Variants in SYT14 observed in about 807,000 individuals in gnomAD.
The protein encoded by SYT14 is synaptotagmin-14.
Under a neutral mutation model 74.2 loss-of-function variants are expected in SYT14, and 32 were observed. That is an observed-to-expected ratio of 0.43 (90% CI 0.33 to 0.58). The LOEUF is 0.58. SYT14 is among the 20% of genes least tolerant of loss of function. SYT14 has a pLI of 0.05. For synonymous variants in SYT14, 298 were observed against 337.7 expected (o/e 0.88, Z 1.29); for missense variants, 791 against 981.8 (o/e 0.81, Z 2.60).
intron 2 of SYT14, among the ~76,000 whole-genome samples, chr1:210,001,819 T>C (rs547300702): frequency 1.3e-5 from 2 of 152,122 alleles, no homozygotes; most frequent in African/African-American, 4.8e-5. Flanking sequence ...AGGGGGAACA[T>C]CCAGGGAAAA....
exon 10 of SYT14, chr1:210,166,438 T>C (rs2083456322): frequency 6.6e-6 from 1 of 152,232 alleles, no homozygotes; most frequent in Non-Finnish European, 1.5e-5. Flanking sequence ...CGGTGGTGCA[T>C]GCCTGTGGTC....
exon 10 of SYT14, chr1:210,162,223 A>G (rs1189687242): frequency 2.3e-6 from 1 of 429,242 alleles, no homozygotes; most frequent in Admixed American, 2.5e-5. Flanking sequence ...CTTCAACGTG[A>G]TGTCATCTTG....
intron 5 of SYT14, among the ~76,000 whole-genome samples, chr1:210,093,177 T>TATC (rs2081907602): frequency 1.3e-5 from 2 of 152,160 alleles, no homozygotes; most frequent in African/African-American, 4.8e-5. Flanking sequence ...TTGTGCAAAT[T>TATC]ATCATTTTTC....
chr1:210,051,094 T>C (rs747052590), intron 5 of SYT14, among the ~76,000 whole-genome samples: 16 of 152,228 alleles, frequency 1.1e-4, no homozygotes, highest in Non-Finnish European at 2.2e-4. Flanking sequence ...TTCCTCTTAT[T>C]TCTCTTTTCT....
At chr1:209,986,463 AT>A (rs2079571465) in intron 2 of SYT14, among the ~76,000 whole-genome samples, 1 of 151,974 alleles carries the variant, frequency 6.6e-6, no homozygotes, top group Non-Finnish European at 1.5e-5. Flanking sequence ...TTTAAAAAAA[AT>A]TAGCCGGGCG....
chr1:210,053,582 A>C (rs1030731931), intron 5 of SYT14, among the ~76,000 whole-genome samples: 3 of 152,204 alleles, frequency 2.0e-5, no homozygotes, highest in Non-Finnish European at 2.9e-5. Context: ...CTGTTGAGGC[A>C]GGAAAATTGT....
rs75243300 is a variant in SYT14 at position 209,942,823 on chromosome 1, G to A, written c.-534+4546G>A. Among the ~76,000 whole-genome samples, 1,289 of 152,060 alleles carry A rather than the reference G, an allele frequency of 8.5e-3. 22 individuals carry two copies. The highest frequency in any genetic ancestry group is 0.03 in the African/African-American group (1,239 of 41,464). On this transcript the variant is annotated intron_variant, in intron 1 of 9. Coordinates refer to ENST00000637265, the Ensembl canonical transcript of SYT14. ...AAAGTAAAAAATAAACACTTGTTAC[G>A]TTGCTGTATTAACTTTACTTAACTT...
At chr1:209,999,982 A>G (rs372531560) in intron 2 of SYT14, among the ~76,000 whole-genome samples, 1 of 152,214 alleles carries the variant, frequency 6.6e-6, no homozygotes, top group Non-Finnish European at 1.5e-5. Context: ...GTCATAACAC[A>G]TTCTATTCTT....
intron 5 of SYT14, among the ~76,000 whole-genome samples, chr1:210,022,987 G>T (rs2080333902): frequency 6.6e-6 from 1 of 151,982 alleles, no homozygotes; most frequent in African/African-American, 2.4e-5. Context: ...TACTATTCTT[G>T]CCCTAACCTC....
At chr1:209,978,842 C>G (rs958282137) in intron 2 of SYT14, among the ~76,000 whole-genome samples, 2 of 152,230 alleles carry the variant, frequency 1.3e-5, no homozygotes, top group East Asian at 1.9e-4. Context: ...TTGAGCTGTG[C>G]TGGGCTCCAC....
chr1:210,147,709 G>A (rs970640709), intron 7 of SYT14, among the ~76,000 whole-genome samples: 8 of 152,148 alleles, frequency 5.3e-5, no homozygotes, highest in Non-Finnish European at 1.2e-4. Flanking sequence ...TAAGTATAGG[G>A]TATGTGAGAA....
chr1:210,027,420 A>G (rs1190987121), intron 5 of SYT14, among the ~76,000 whole-genome samples: 1 of 151,926 alleles, frequency 6.6e-6, no homozygotes, highest in East Asian at 1.9e-4. Context: ...GTTCCCAAAA[A>G]AAAAAAAAGT....
chr1:210,027,276 C>T (rs2080433600), intron 5 of SYT14, among the ~76,000 whole-genome samples: 1 of 151,986 alleles, frequency 6.6e-6, no homozygotes, highest in Non-Finnish European at 1.5e-5. Context: ...CTAGCCGAGC[C>T]TAGTGGCCCA....
At chr1:210,081,275 A>G (rs1227943312) in intron 5 of SYT14, among the ~76,000 whole-genome samples, 2 of 152,226 alleles carry the variant, frequency 1.3e-5, no homozygotes, top group Admixed American at 6.5e-5. Flanking sequence ...ACTATATGAT[A>G]TGAACAAAAC....
chr1:210,090,144 A>C (rs1264324679), intron 5 of SYT14, among the ~76,000 whole-genome samples: 3 of 152,184 alleles, frequency 2.0e-5, no homozygotes, highest in Non-Finnish European at 2.9e-5. Flanking sequence ...CACAGTGCAA[A>C]GGGAGTAGCC....
intron 2 of SYT14, among the ~76,000 whole-genome samples, chr1:210,001,042 T>C (rs1181574690): frequency 6.6e-6 from 1 of 152,212 alleles, no homozygotes; most frequent in Non-Finnish European, 1.5e-5. Context: ...TCACTGAGGC[T>C]CATGGAGGCT....
intron 2 of SYT14, among the ~76,000 whole-genome samples, chr1:209,993,313 A>G (rs1032892442): frequency 4.5e-4 from 68 of 152,286 alleles, no homozygotes; most frequent in African/African-American, 1.5e-3. Flanking sequence ...GCTGCCCCGC[A>G]TGATTGAGTG....
At chr1:210,158,876 T>C (rs2083319598) in intron 8 of SYT14, among the ~76,000 whole-genome samples, 1 of 152,170 alleles carries the variant, frequency 6.6e-6, no homozygotes, top group Non-Finnish European at 1.5e-5. Flanking sequence ...CATATATACC[T>C]AGGTTCTAAG....
chr1:210,066,048 A>G lies in SYT14; in HGVS notation c.1313-28274A>G, dbSNP rs550392697. 2.6e-5 allele frequency among the ~76,000 whole-genome samples: 4 copies of G among 151,860 alleles called. No homozygotes were observed. The South Asian group carries it at 8.3e-4, about 32-fold the overall frequency. ...AGCTTCATCCATGTCCCTACAAAGG[A>G]CATGAACTCATCATTTTTTATGGCT... is the stretch of plus-strand genomic sequence containing the variant. On this transcript the variant is annotated intron_variant, in intron 5 of 9. Coordinates refer to ENST00000637265, the Ensembl canonical transcript of SYT14.
Sources: allele counts gnomAD v4.1 joint callset (sites outside exome capture counted in the v4.1 genomes callset), GRCh38; gene constraint gnomAD v4.1.1; transcripts MANE v1.5; gene names NCBI Gene and HGNC (gene_info 2026-07-23, HGNC 2026-07-21).